The following PRKD1 variants were observed in gnomAD, a reference collection of about 807,000 sequenced individuals.
PRKD1 encodes serine/threonine-protein kinase D1.
A neutral mutation model predicts 95.9 loss-of-function variants in PRKD1; 63 were observed. That is an observed-to-expected ratio of 0.66 (90% CI 0.54 to 0.81). The LOEUF is 0.81. Among genes scored for constraint, PRKD1 ranks in the 30% least tolerant of loss-of-function variants. The probability of loss-of-function intolerance (pLI) is 0.00; values close to 1 mark genes in which losing one functional copy is unlikely to be tolerated. For missense variants in PRKD1, 1,048 were observed against 1,165.3 expected, an observed-to-expected ratio of 0.90 and a Z score of 1.47; for synonymous variants, 425 against 423.1, an observed-to-expected ratio of 1.00 and a Z score of -0.05.
In PRKD1 at chr14:29,855,306, C is replaced by T. The variant is rs138357616; in HGVS notation, c.264+71943G>A. Among the ~76,000 whole-genome samples, 62 of 152,312 alleles carry T rather than the reference C, an allele frequency of 4.1e-4. 1 individual carries two copies. The East Asian group carries it at 0.011, about 27-fold the overall frequency. On this transcript the variant is annotated intron_variant, in intron 1 of 17. Coordinates refer to ENST00000331968, the MANE Select transcript of PRKD1 (RefSeq NM_002742.3). ...ACGGAGCTGCCCAAGACCATGGGAA[C>T]CCATATCTTATATCAGCATGACCTG...
chr14:29,903,431 G>A (rs559199565), intron 1 of PRKD1, among the ~76,000 whole-genome samples: 6 of 152,252 alleles, frequency 3.9e-5, no homozygotes, highest in Non-Finnish European at 7.4e-5. Flanking sequence ...TCTCTCTCAC[G>A]GATACTACTG....
intron 1 of PRKD1, among the ~76,000 whole-genome samples, chr14:29,804,602 A>G (rs1890162723): frequency 6.6e-6 from 1 of 151,608 alleles, no homozygotes; most frequent in South Asian, 2.1e-4. Flanking sequence ...AAAAAAAAAA[A>G]TGCATCCTAA....
chr14:29,577,702 T>G (rs1008191724), intron 17 of PRKD1, among the ~76,000 whole-genome samples: 21 of 152,196 alleles, frequency 1.4e-4, no homozygotes, highest in Admixed American at 8.5e-4. Context: ...ATGTTTGCAG[T>G]CAAGCAATCA....
At chr14:29,695,019 G>C (rs1262766668) in intron 2 of PRKD1, among the ~76,000 whole-genome samples, 1 of 152,114 alleles carries the variant, frequency 6.6e-6, no homozygotes, top group Non-Finnish European at 1.5e-5. Flanking sequence ...GATCACCTGA[G>C]TACAGGAGTT....
intron 1 of PRKD1, among the ~76,000 whole-genome samples, chr14:29,915,122 G>A (rs1334598445): frequency 6.6e-6 from 1 of 152,166 alleles, no homozygotes; most frequent in Non-Finnish European, 1.5e-5. Context: ...ACTGATAAAT[G>A]TAATTCTTTA....
intron 2 of PRKD1, among the ~76,000 whole-genome samples, chr14:29,676,735 A>T (rs1229891282): frequency 6.6e-6 from 1 of 152,172 alleles, no homozygotes; most frequent in Non-Finnish European, 1.5e-5. Flanking sequence ...AAAGTAGGCA[A>T]ATAAATACAT....
intron 13 of PRKD1, among the ~76,000 whole-genome samples, chr14:29,602,203 G>A (rs1893545732): frequency 6.6e-6 from 1 of 152,020 alleles, no homozygotes; most frequent in Non-Finnish European, 1.5e-5. Flanking sequence ...GTAGGCAGAC[G>A]AAAAACTAGT....
intron 1 of PRKD1, among the ~76,000 whole-genome samples, chr14:29,814,917 G>A (rs893881210): frequency 6.6e-6 from 1 of 152,154 alleles, no homozygotes; most frequent in Non-Finnish European, 1.5e-5. Flanking sequence ...ACAGTGTAAA[G>A]GATGGTTTAA....
intron 2 of PRKD1, among the ~76,000 whole-genome samples, chr14:29,669,495 G>C (rs1391946560): frequency 6.6e-6 from 1 of 151,902 alleles, no homozygotes; most frequent in Non-Finnish European, 1.5e-5. Context: ...AATAGTTTCT[G>C]GATACCACTC....
intron 1 of PRKD1, among the ~76,000 whole-genome samples, chr14:29,866,858 T>C (rs1243263064): frequency 6.6e-6 from 1 of 152,156 alleles, no homozygotes; most frequent in Non-Finnish European, 1.5e-5. Context: ...TTTTGTTTTA[T>C]AGACAAGTCT....
chr14:29,685,330 G>A (rs778832319), intron 2 of PRKD1, among the ~76,000 whole-genome samples: 3 of 152,204 alleles, frequency 2.0e-5, no homozygotes, highest in Non-Finnish European at 4.4e-5. Context: ...TTGAGAAAGT[G>A]AATGCCAAAC....
intron 1 of PRKD1, among the ~76,000 whole-genome samples, chr14:29,770,792 C>A (rs1201764298): frequency 6.6e-6 from 1 of 151,886 alleles, no homozygotes; most frequent in Non-Finnish European, 1.5e-5. Context: ...CACAGTGAGA[C>A]CTTGTCTCTA....
chr14:29,848,396 CT>C (rs1326511234), intron 1 of PRKD1, among the ~76,000 whole-genome samples: 3 of 152,034 alleles, frequency 2.0e-5, no homozygotes, highest in Admixed American at 6.6e-5. Context: ...TTATTTTTCA[CT>C]TTTTTCCTTT....
intron 11 of PRKD1, among the ~76,000 whole-genome samples, chr14:29,627,879 T>C (rs1198545441): frequency 6.6e-6 from 1 of 152,288 alleles, no homozygotes; most frequent in Middle Eastern, 3.4e-3. Context: ...TTAATACTAT[T>C]CTATTATTCT....
At chr14:29,857,411 A>G (rs1304953460) in intron 1 of PRKD1, among the ~76,000 whole-genome samples, 1 of 152,196 alleles carries the variant, frequency 6.6e-6, no homozygotes, top group Non-Finnish European at 1.5e-5. Flanking sequence ...AAAAGTTAAA[A>G]AGCAAGGCTG....
At chr14:29,860,655 T>C (rs1004010328) in intron 1 of PRKD1, among the ~76,000 whole-genome samples, 6 of 152,370 alleles carry the variant, frequency 3.9e-5, no homozygotes, top group African/African-American at 1.4e-4. Context: ...TAAGATTCCA[T>C]GTATTGCAAA....
At chr14:29,685,515 T>C (rs923001772) in intron 2 of PRKD1, among the ~76,000 whole-genome samples, 39 of 152,206 alleles carry the variant, frequency 2.6e-4, no homozygotes, top group African/African-American at 8.9e-4. Flanking sequence ...AGCATATTAT[T>C]CAATTTTGGC....
intron 2 of PRKD1, among the ~76,000 whole-genome samples, chr14:29,676,597 C>T (rs930975439): frequency 6.6e-6 from 1 of 152,178 alleles, no homozygotes; most frequent in Non-Finnish European, 1.5e-5. Context: ...TCGTGATCTG[C>T]CCGCCTCGGC....
At chr14:29,877,376 G>A (rs746297740) in intron 1 of PRKD1, among the ~76,000 whole-genome samples, 1 of 152,210 alleles carries the variant, frequency 6.6e-6, no homozygotes, top group Non-Finnish European at 1.5e-5. Context: ...GTTCCTTACA[G>A]ATGCTGGATA....
Sources: allele counts gnomAD v4.1 joint callset (sites outside exome capture counted in the v4.1 genomes callset), GRCh38; gene constraint gnomAD v4.1.1; transcripts MANE v1.5; gene names NCBI Gene and HGNC (gene_info 2026-07-23, HGNC 2026-07-21).